The following SIAH3 variants were observed in gnomAD, a reference collection of about 807,000 sequenced individuals.
SIAH3 encodes siah E3 ubiquitin protein ligase family member 3, also known as seven in absentia homolog 3.
In SIAH3, 9 loss-of-function variants were observed where a neutral mutation model predicts 12.6. The ratio of observed to expected loss-of-function variants is 0.72; its 90% CI spans 0.43 to 1.25. The LOEUF is 1.25. Ranked by LOEUF, SIAH3 falls within the 50% of genes most tolerant of loss-of-function variation. The probability of loss-of-function intolerance (pLI) is 0.00; values close to 1 mark genes in which losing one functional copy is unlikely to be tolerated. For synonymous variants in SIAH3, 154 were observed against 151.1 expected (o/e 1.02, Z -0.14); for missense variants, 390 against 365.4 (o/e 1.07, Z -0.55).
chr13:45,824,769 A>C (rs1376345275), intron 1 of SIAH3, among the ~76,000 whole-genome samples: 2 of 152,038 alleles, frequency 1.3e-5, no homozygotes, highest in Non-Finnish European at 2.9e-5. Flanking sequence ...CACTTATCAG[A>C]GAAGGGGACT....
rs371442922 is a variant in SIAH3, at chr13:45,793,188, G to A, written c.136-9131C>T. Among the ~76,000 whole-genome samples the A allele has an allele frequency of 1.3e-4, 20 of 152,310 alleles. No individual in the cohort carries two copies. In the South Asian group the frequency reaches 3.1e-3, roughly 24 times the overall value. On this transcript the variant is annotated intron_variant, in intron 1 of 1. Coordinates refer to ENST00000400405, the MANE Select transcript of SIAH3 (RefSeq NM_198849.3). Reference sequence around the variant, plus strand: ...CTGGAGTCAGTGCCATAACCTTTGAGAGGAGGCAGGTTGCTGGAACTGGTT... The same window carrying A: ...CTGGAGTCAGTGCCATAACCTTTGAAAGGAGGCAGGTTGCTGGAACTGGTT...
intron 1 of SIAH3, among the ~76,000 whole-genome samples, chr13:45,827,714 G>C (rs1036402): frequency 6.6e-6 from 1 of 152,050 alleles, no homozygotes; most frequent in Admixed American, 6.5e-5. Context: ...GGCTCTGATT[G>C]ATTCAGTAAA....
chr13:45,811,696 C>T (rs1411651235), intron 1 of SIAH3, among the ~76,000 whole-genome samples: 1 of 152,204 alleles, frequency 6.6e-6, no homozygotes, highest in Non-Finnish European at 1.5e-5. Flanking sequence ...TCTCAGGAAA[C>T]CACTTCAGGA....
chr13:45,792,127 C>T (rs1428645349), intron 1 of SIAH3, among the ~76,000 whole-genome samples: 5 of 152,116 alleles, frequency 3.3e-5, no homozygotes, highest in African/African-American at 1.2e-4. Context: ...TCCTGCAGCC[C>T]GTGCTCTTTC....
At chr13:45,820,131 C>G (rs964066075) in intron 1 of SIAH3, among the ~76,000 whole-genome samples, 6 of 152,190 alleles carry the variant, frequency 3.9e-5, no homozygotes, top group Non-Finnish European at 8.8e-5. Context: ...CTCTTAAAGG[C>G]CCCACCTCTT....
intron 1 of SIAH3, among the ~76,000 whole-genome samples, chr13:45,845,032 A>C (rs1221964926): frequency 6.6e-6 from 1 of 152,164 alleles, no homozygotes; most frequent in Non-Finnish European, 1.5e-5. Context: ...AGATACAAAA[A>C]ATCTCCCCTG....
At chr13:45,845,183 A>G (rs1193990318) in intron 1 of SIAH3, among the ~76,000 whole-genome samples, 1 of 138,694 alleles carries the variant, frequency 7.2e-6, no homozygotes, top group Non-Finnish European at 1.6e-5. Flanking sequence ...CATTTGTTTT[A>G]TGCATTTTTT....
At position 45,790,387 on chromosome 13, in the gene SIAH3, G is replaced by A. The variant is rs1186261480; in HGVS notation, c.136-6330C>T. ...ATGTCTTCATAGACACCAGTCCTAT[G>A]ATCTCAAAAGCCTCCTGACCAAGCC... On this transcript the variant is annotated intron_variant, in intron 1 of 1. Transcript: ENST00000400405. Among the ~76,000 whole-genome samples the A allele has an allele frequency of 1.8e-4, 27 of 152,104 alleles. 1 individual carries two copies. The highest frequency in any genetic ancestry group is 1.8e-3 in the Admixed American group (27 of 15,262).
chr13:45,796,949 G>A (rs1044275765), intron 1 of SIAH3, among the ~76,000 whole-genome samples: 32 of 152,160 alleles, frequency 2.1e-4, no homozygotes, highest in African/African-American at 7.0e-4. Context: ...GGGCAGGGAT[G>A]GGAAGGCAGA....
intron 1 of SIAH3, among the ~76,000 whole-genome samples, chr13:45,815,777 G>T (rs1950632366): frequency 6.6e-6 from 1 of 152,144 alleles, no homozygotes; most frequent in Non-Finnish European, 1.5e-5. Context: ...TTTCATTCCT[G>T]CCCCAGCCTG....
At chr13:45,800,310 T>A (rs537537488) in intron 1 of SIAH3, among the ~76,000 whole-genome samples, 1 of 152,360 alleles carries the variant, frequency 6.6e-6, no homozygotes, top group South Asian at 2.1e-4. Context: ...GGTGGCTCCA[T>A]TGGCCTTGGA....
At chr13:45,810,025 T>C (rs1244243890) in intron 1 of SIAH3, among the ~76,000 whole-genome samples, 1 of 152,218 alleles carries the variant, frequency 6.6e-6, no homozygotes, top group Non-Finnish European at 1.5e-5. Flanking sequence ...GAGCTAGTCC[T>C]GAGTCACAGC....
intron 1 of SIAH3, among the ~76,000 whole-genome samples, chr13:45,808,245 T>C (rs1950604516): frequency 6.6e-6 from 1 of 150,954 alleles, no homozygotes; most frequent in Non-Finnish European, 1.5e-5. Context: ...CCTAAAAGTG[T>C]CCTGGTATAT....
chr13:45,819,625 A>T (rs1170368882), intron 1 of SIAH3, among the ~76,000 whole-genome samples: 1 of 152,208 alleles, frequency 6.6e-6, no homozygotes, highest in Non-Finnish European at 1.5e-5. Context: ...ATGTGGCTTT[A>T]GAAATAGCTT....
chr13:45,787,578 G>C (rs780382374), intron 1 of SIAH3, among the ~76,000 whole-genome samples: 8 of 152,212 alleles, frequency 5.3e-5, no homozygotes, highest in Non-Finnish European at 1.2e-4. Context: ...CAAAGGACCT[G>C]CTGACAGGGA....
Position 45,779,670 on chromosome 13 carries a change from C to T in SIAH3, c.*3713G>A, listed in dbSNP as rs1016319662. The T allele has an allele frequency of 2.6e-5, 4 of 152,144 alleles. No individual in the cohort carries two copies. Among genetic ancestry groups the T allele is most frequent in the Middle Eastern group, 3.2e-3 (1 of 316 alleles). 9.4% of individuals were successfully genotyped at this position (152,144 alleles called of 1,614,324 possible). On this transcript the variant is annotated 3_prime_UTR_variant, in exon 2 of 2. Coordinates refer to ENST00000400405, the MANE Select transcript of SIAH3 (RefSeq NM_198849.3). ...ACATGAATACAATAAAGAGCACCTG[C>T]TTGCTAAGGTTGTTATGGGGATTAC...
chr13:45,836,049 C>T (rs1475741575), intron 1 of SIAH3, among the ~76,000 whole-genome samples: 1 of 152,122 alleles, frequency 6.6e-6, no homozygotes, highest in African/African-American at 2.4e-5. Flanking sequence ...ATACAGAGCC[C>T]TTGGGGTACT....
intron 1 of SIAH3, among the ~76,000 whole-genome samples, chr13:45,850,827 G>A (rs1300279732): frequency 2.6e-5 from 4 of 151,928 alleles, no homozygotes; most frequent in African/African-American, 9.7e-5. Context: ...CTAGAAGCTG[G>A]TGTCATTATT....
At chr13:45,809,865 G>A (rs141113590) in intron 1 of SIAH3, among the ~76,000 whole-genome samples, 45 of 152,256 alleles carry the variant, frequency 3.0e-4, no homozygotes, top group Non-Finnish European at 5.4e-4. Flanking sequence ...ACTAAATGTT[G>A]TTTCAAGAAT....
Sources: gnomAD v4.1 joint callset for allele counts (sites outside exome capture counted in the v4.1 genomes callset) on GRCh38, gnomAD v4.1.1 for gene constraint, MANE v1.5 for transcripts, NCBI Gene and HGNC (gene_info 2026-07-23, HGNC 2026-07-21) for gene names.